DNA2: variants seen among roughly 807,000 people sequenced by gnomAD.
The protein encoded by DNA2 is DNA replication helicase/nuclease 2.
Under a neutral mutation model 119.1 loss-of-function variants are expected in DNA2, and 101 were observed. The ratio of observed to expected loss-of-function variants is 0.85; its 90% CI spans 0.72 to 1.00. DNA2 has a LOEUF of 1.00. Among genes scored for constraint, DNA2 ranks in the 50% least tolerant of loss-of-function variants. The pLI, the probability that DNA2 is intolerant of heterozygous loss-of-function variation, is 0.00. For synonymous variants in DNA2, 366 were observed against 424.4 expected (o/e 0.86, Z 1.69); for missense variants, 1,121 against 1,255.5 (o/e 0.89, Z 1.62).
At chr10:68,433,768 T>C (rs1047903779) in intron 10 of DNA2, among the ~76,000 whole-genome samples, 11 of 152,160 alleles carry the variant, frequency 7.2e-5, no homozygotes, top group Admixed American at 3.3e-4. Context: ...AAATGATACG[T>C]AAGACATTCT....
intron 5 of DNA2, among the ~76,000 whole-genome samples, chr10:68,457,915 G>A (rs1054326638): frequency 2.6e-5 from 4 of 152,162 alleles, no homozygotes; most frequent in East Asian, 3.9e-4. Context: ...CCTCATGCCC[G>A]TAATCCCAGC....
rs1391480449 is a variant in DNA2, at chr10:68,437,131, A to G, written c.1526T>C (p.Val509Ala). Residue 509 changes from valine to alanine, a missense_variant, in exon 10 of 21, where the codon GTC becomes GCC. Physicochemically the swap from Val to Ala is moderately conservative, Grantham distance 64. Coordinates refer to ENST00000358410, the MANE Select transcript of DNA2 (RefSeq NM_001080449.3). ...TCTGTCACCTGCCATTAGATTTGTGACAGGTATGGCACCATGTTTACATTG... is the reference window on the plus strand; with the variant it reads ...TCTGTCACCTGCCATTAGATTTGTGGCAGGTATGGCACCATGTTTACATTG... Reference protein sequence around the residue: ...NFQCKHGAIPVTNLMAGDRVI... With the variant: ...NFQCKHGAIPATNLMAGDRVI... 23 of 1,613,798 alleles carry G rather than the reference A, an allele frequency of 1.4e-5. No individual in the cohort carries two copies. Among genetic ancestry groups the G allele is most frequent in the Non-Finnish European group, 1.9e-5 (23 of 1,179,854 alleles).
At chr10:68,444,514 C>T (rs954598326) in intron 8 of DNA2, among the ~76,000 whole-genome samples, 36 of 151,992 alleles carry the variant, frequency 2.4e-4, no homozygotes, top group African/African-American at 8.7e-4. Context: ...CACCTGAGTT[C>T]GGGAGTTGGA....
intron 5 of DNA2, among the ~76,000 whole-genome samples, chr10:68,456,050 C>G (rs968023880): frequency 6.6e-6 from 1 of 151,836 alleles, no homozygotes; most frequent in African/African-American, 2.4e-5. Flanking sequence ...GGCAAAACAC[C>G]ATCTCTACAA....
intron 4 of DNA2, 109 bp from the exon 5 acceptor site, chr10:68,459,344 A>T: frequency 8.3e-7 from 1 of 1,202,354 alleles, no homozygotes; most frequent in Non-Finnish European, 1.1e-6. Flanking sequence ...GGACAAAAAA[A>T]TACATATAAG....
chr10:68,456,161 G>A (rs2052179587), intron 5 of DNA2, among the ~76,000 whole-genome samples: 1 of 152,148 alleles, frequency 6.6e-6, no homozygotes, highest in South Asian at 2.1e-4. Context: ...GGCAGAGGTT[G>A]CAGTGAGCCT....
intron 14 of DNA2, among the ~76,000 whole-genome samples, chr10:68,425,246 C>T (rs1170950999): frequency 6.6e-6 from 1 of 151,558 alleles, no homozygotes; most frequent in African/African-American, 2.4e-5. Context: ...AGGTGCCTGA[C>T]ACCATGCCCA....
chr10:68,447,465 C>T (rs1381926827), intron 6 of DNA2, among the ~76,000 whole-genome samples: 3 of 139,358 alleles, frequency 2.2e-5, no homozygotes, highest in East Asian at 2.1e-4. Context: ...TGCACTGAGT[C>T]GAAATCGTGC....
chr10:68,472,087 C>G (rs777172578), upstream of DNA2: 31 of 1,563,376 alleles, frequency 2.0e-5, 1 homozygote, highest in South Asian at 3.6e-4. Context: ...TGCCTTTGCT[C>G]CCTTGCTTAG....
intron 5 of DNA2, among the ~76,000 whole-genome samples, chr10:68,457,516 G>A (rs1038778239): frequency 3.3e-5 from 5 of 151,946 alleles, no homozygotes; most frequent in African/African-American, 4.8e-5. Flanking sequence ...CTCATTGTTC[G>A]GCACTGCATT....
chr10:68,415,133 T>G (rs1278256302), intron 20 of DNA2, 26 bp from the exon 21 acceptor site: 1 of 1,416,590 alleles, frequency 7.1e-7, no homozygotes, highest in Non-Finnish European at 9.8e-7. Flanking sequence ...GAAGAAATAT[T>G]TAGCACAATA....
At position 68,468,124 on chromosome 10, in the gene DNA2, C is replaced by G. The variant is rs2052347569; in HGVS notation, c.440G>C (p.Arg147Thr). 9 of 1,564,204 alleles carry G rather than the reference C, an allele frequency of 5.8e-6. No individual in the cohort carries two copies. Among genetic ancestry groups the G allele is most frequent in the African/African-American group, 1.4e-5 (1 of 73,606 alleles). ...MRRAVLSETF[R>T]SSDPATRQML... is the part of the protein sequence containing the mutation. ...ACATTAACTGTTACTATTATTTACC[C>G]TAAAAGTTTCACTCAGGACAGCTCT... is the stretch of plus-strand genomic sequence containing the variant. Residue 147 changes from arginine to threonine, a missense_variant and splice_region_variant, in exon 3 of 21, where the codon AGG becomes ACG. Transcript: ENST00000358410.
At chr10:68,463,416 C>A (rs2052284897) in intron 4 of DNA2, among the ~76,000 whole-genome samples, 1 of 140,496 alleles carries the variant, frequency 7.1e-6, no homozygotes. Flanking sequence ...TGCACTCCAG[C>A]CTGGGGGACA....
rs2051710212 is a variant in DNA2, at chr10:68,424,528, G to C, written c.2209-1638C>G. On this transcript the variant is annotated intron_variant, in intron 14 of 20. Coordinates refer to ENST00000358410, the MANE Select transcript of DNA2 (RefSeq NM_001080449.3). ...CAAAAAAAAAAAAAAAAACAAAACAGGCCTGAGGCCGCCGCTAGCCGGAGC... is the reference window on the plus strand; with the variant it reads ...CAAAAAAAAAAAAAAAAACAAAACACGCCTGAGGCCGCCGCTAGCCGGAGC... 15 of 709,308 alleles carry C rather than the reference G, an allele frequency of 2.1e-5. No individual in the cohort carries two copies. The Admixed American group carries it at 2.6e-4, about 12-fold the overall frequency. 43.9% of individuals were successfully genotyped at this position (709,308 alleles called of 1,614,324 possible). A position where few individuals can be genotyped will look rare whatever the true frequency, so the allele number is the denominator to read the frequency against.
chr10:68,468,945 G>C (rs2052355624), intron 2 of DNA2, among the ~76,000 whole-genome samples: 1 of 152,128 alleles, frequency 6.6e-6, no homozygotes, highest in Admixed American at 6.5e-5. Flanking sequence ...AGCTACTTGT[G>C]AGGCTGAGGC....
chr10:68,430,355 A>C, intron 14 of DNA2, 81 bp downstream of exon 14: 1 of 1,004,828 alleles, frequency 1.0e-6, no homozygotes, highest in Non-Finnish European at 1.5e-6. Context: ...AATGTGACTA[A>C]ATTTCCCAGA....
intron 3 of DNA2, among the ~76,000 whole-genome samples, chr10:68,466,743 T>C (rs2052331866): frequency 6.6e-6 from 1 of 152,044 alleles, no homozygotes; most frequent in Non-Finnish European, 1.5e-5. Flanking sequence ...CACACCCGGC[T>C]AATTTTTTTG....
chr10:68,417,017 G>A (rs1219985346), intron 19 of DNA2, among the ~76,000 whole-genome samples, 162 bp from the exon 20 acceptor site: 1 of 152,204 alleles, frequency 6.6e-6, no homozygotes, highest in Non-Finnish European at 1.5e-5. Flanking sequence ...GCCGAGGCAG[G>A]TGGATCACTG....
Position 68,446,317 on chromosome 10 carries a change from C to T in DNA2, c.1036G>A (p.Ala346Thr). Residue 346 changes from alanine (A) to threonine (T), a missense_variant, in exon 7 of 21, where the codon GCC becomes ACC. Transcript: ENST00000358410. ...CAACCTCTTTTATCTAGATGGTTGG[C>T]AGGCACAGGGTACATCTGACCAGTC... is the stretch of plus-strand genomic sequence containing the variant. ...LKTGQMYPVPANHLDKRELLK... is the reference protein window; with the variant it reads ...LKTGQMYPVPTNHLDKRELLK... 3 of 1,586,796 alleles carry T rather than the reference C, an allele frequency of 1.9e-6. No homozygotes were observed. The highest frequency in any genetic ancestry group is 2.6e-6 in the Non-Finnish European group (3 of 1,166,890).
Sources: allele counts gnomAD v4.1 joint callset (sites outside exome capture counted in the v4.1 genomes callset), GRCh38; gene constraint gnomAD v4.1.1; transcripts MANE v1.5; gene names NCBI Gene and HGNC (gene_info 2026-07-23, HGNC 2026-07-21).